Variants in USH2A observed in about 807,000 individuals in gnomAD.
USH2A encodes the protein Usher syndrome 2A (autosomal recessive, mild).
In USH2A, 443 loss-of-function variants were observed where a neutral mutation model predicts 538.9. That is an observed-to-expected ratio of 0.82 (90% CI 0.76 to 0.89). The LOEUF is 0.89. Among genes scored for constraint, USH2A ranks in the 40% least tolerant of loss-of-function variants. USH2A has a pLI of 0.00. For synonymous variants in USH2A, 2,413 were observed against 2,273.5 expected (o/e 1.06, Z -1.75); for missense variants, 6,633 against 6,324.8 (o/e 1.05, Z -1.65).
intron 21 of USH2A, among the ~76,000 whole-genome samples, chr1:216,135,128 C>G (rs1238243116): frequency 7.7e-6 from 1 of 129,126 alleles, no homozygotes; most frequent in Non-Finnish European, 1.6e-5. Context: ...TGTCTTGGAG[C>G]CTGAAACTCT....
At chr1:215,959,278 C>A (rs989564411) in intron 37 of USH2A, among the ~76,000 whole-genome samples, 2 of 151,850 alleles carry the variant, frequency 1.3e-5, no homozygotes, top group African/African-American at 2.4e-5. Flanking sequence ...TAAAAACATT[C>A]TTAAATACTA....
intron 47 of USH2A, among the ~76,000 whole-genome samples, chr1:215,837,445 G>A (rs527743447): frequency 7.9e-5 from 12 of 151,982 alleles, no homozygotes; most frequent in Non-Finnish European, 1.3e-4. Flanking sequence ...TATTGTTGTT[G>A]TTACTAATTA....
intron 32 of USH2A, among the ~76,000 whole-genome samples, chr1:216,009,494 G>C (rs1225491379): frequency 6.6e-6 from 1 of 152,104 alleles, no homozygotes; most frequent in Non-Finnish European, 1.5e-5. Flanking sequence ...GGTCTGAGGT[G>C]CCTGACGTCT....
chr1:215,834,739 T>C (rs1274100076), intron 47 of USH2A, among the ~76,000 whole-genome samples: 1 of 152,094 alleles, frequency 6.6e-6, no homozygotes, highest in Non-Finnish European at 1.5e-5. Flanking sequence ...ATCTGCACAG[T>C]AGTACATTGG....
At chr1:216,243,623 T>A (rs2035976613) in intron 13 of USH2A, among the ~76,000 whole-genome samples, 1 of 152,246 alleles carries the variant, frequency 6.6e-6, no homozygotes, top group African/African-American at 2.4e-5. Flanking sequence ...TAAATCTGCT[T>A]ACCCCTGGCT....
rs188765985 is a variant in USH2A, at chr1:216,172,048, G to T, written c.4627+3204C>A. On this transcript the variant is annotated intron_variant, in intron 21 of 71. Coordinates refer to ENST00000307340, the MANE Select transcript of USH2A (RefSeq NM_206933.4). The stretch of plus-strand genomic sequence containing the variant: ...CTGCCCAAAGGTAGATATTGACAGG[G>T]TTTATTTACAGTATTAAGCTTGGTA... Among the ~76,000 whole-genome samples, 11 of 152,046 alleles carry T rather than the reference G, an allele frequency of 7.2e-5. No homozygotes were observed. The East Asian group carries it at 1.5e-3, about 21-fold the overall frequency.
chr1:216,379,873 AT>A (rs2038899261), intron 3 of USH2A, among the ~76,000 whole-genome samples: 1 of 152,206 alleles, frequency 6.6e-6, no homozygotes. Flanking sequence ...TGGAATATAT[AT>A]TTTAAAGGAC....
In USH2A at chr1:215,934,765, G is replaced by T; in HGVS notation, c.7151C>A (p.Thr2384Lys). 6.2e-7 allele frequency: 1 copy of T among 1,612,464 alleles called. No individual in the cohort carries two copies. The highest frequency in any genetic ancestry group is 8.5e-7 in the Non-Finnish European group (1 of 1,178,936). The change falls in exon 38 of 72, where the codon ACA (threonine) becomes AAA (lysine). Residue 2384 changes from threonine to lysine, a missense_variant. Physicochemically the swap from Thr to Lys is moderately conservative, Grantham distance 78 (BLOSUM62 -1). Transcript: ENST00000307340. ...VGNNYTLLNV[T>K]KVMYSGEETN... ...CTCTTCTCCGCTGTACATGACTTTT[G>T]TGACATTCAGAAGGGTGTAGTTATT...
At chr1:215,721,467 C>A (rs1426643616) in intron 61 of USH2A, among the ~76,000 whole-genome samples, 5 of 152,080 alleles carry the variant, frequency 3.3e-5, no homozygotes, top group African/African-American at 1.2e-4. Flanking sequence ...AATCATGGGA[C>A]CTGCCTTAGA....
chr1:215,923,696 A>C (rs886210532), intron 38 of USH2A, among the ~76,000 whole-genome samples: 9 of 152,200 alleles, frequency 5.9e-5, no homozygotes, highest in Admixed American at 5.9e-4. Flanking sequence ...AGAAAGGGTG[A>C]AGGTATGCTG....
rs578120000 is a variant in USH2A, at chr1:215,710,481, T to G, written c.12066+17549A>C. 1.2e-4 allele frequency among the ~76,000 whole-genome samples: 18 copies of G among 152,242 alleles called. No homozygotes were observed. In the South Asian group the frequency reaches 3.7e-3, roughly 32 times the overall value. ...GATTTTCCAAAAACTCTTTCTTATG[T>G]ACATCTCAACTGCTCATACGTTTAG... On this transcript the variant is annotated intron_variant, in intron 61 of 71. Transcript: ENST00000307340.
At chr1:215,650,951 A>T (rs1480702134) in intron 64 of USH2A, 150 bp from the exon 65 acceptor site, 3 of 831,044 alleles carry the variant, frequency 3.6e-6, no homozygotes, top group Non-Finnish European at 1.9e-6. Flanking sequence ...CAACCTTGTA[A>T]TCACACAGGA....
At chr1:216,330,144 T>C (rs761387060) in intron 4 of USH2A, among the ~76,000 whole-genome samples, 24 of 152,078 alleles carry the variant, frequency 1.6e-4, no homozygotes, top group Non-Finnish European at 3.2e-4. Context: ...CTTCATTCTT[T>C]TACGTATTGA....
chr1:215,853,687 G>C (rs1439940736), intron 44 of USH2A, among the ~76,000 whole-genome samples: 1 of 152,132 alleles, frequency 6.6e-6, no homozygotes, highest in Non-Finnish European at 1.5e-5. Context: ...TTTTCTGCCA[G>C]ATACCCTAAA....
At chr1:216,237,009 A>G (rs550922290) in intron 13 of USH2A, among the ~76,000 whole-genome samples, 6 of 152,332 alleles carry the variant, frequency 3.9e-5, no homozygotes, top group Admixed American at 3.9e-4. Flanking sequence ...TATAATTAAT[A>G]TATGTATGTG....
intron 14 of USH2A, among the ~76,000 whole-genome samples, chr1:216,217,988 CAG>C (rs2035377473): frequency 6.6e-6 from 1 of 151,982 alleles, no homozygotes. Context: ...AATAGAAAAT[CAG>C]GGGTAAATCA....
At chr1:216,002,799 A>G (rs1449865407) in intron 32 of USH2A, among the ~76,000 whole-genome samples, 1 of 152,120 alleles carries the variant, frequency 6.6e-6, no homozygotes, top group Non-Finnish European at 1.5e-5. Flanking sequence ...AAAAGGCCCG[A>G]TGCTTGCTTG....
chr1:215,969,347 T>C (rs911033781), intron 36 of USH2A, among the ~76,000 whole-genome samples: 2 of 152,170 alleles, frequency 1.3e-5, no homozygotes, highest in African/African-American at 4.8e-5. Flanking sequence ...CAGAGCTTTG[T>C]GGCATTTGAT....
intron 22 of USH2A, among the ~76,000 whole-genome samples, chr1:216,089,981 A>G (rs2102566162): frequency 6.6e-6 from 1 of 152,182 alleles, no homozygotes; most frequent in East Asian, 1.9e-4. Flanking sequence ...CAACTTTGTC[A>G]CCAACAGCTA....
Sources: allele counts gnomAD v4.1 joint callset (sites outside exome capture counted in the v4.1 genomes callset), GRCh38; gene constraint gnomAD v4.1.1; transcripts MANE v1.5; gene names NCBI Gene and HGNC (gene_info 2026-07-23, HGNC 2026-07-21).